Variants in INTS4 observed in about 807,000 individuals in gnomAD.
INTS4 encodes the protein MSTP093.
Under a neutral mutation model 119.5 loss-of-function variants are expected in INTS4, and 70 were observed. That is an observed-to-expected ratio of 0.59 (90% CI 0.48 to 0.71). The LOEUF (loss-of-function observed/expected upper bound fraction) is 0.71. Ranked by LOEUF, INTS4 falls within the 30% of genes least tolerant of loss-of-function variation. The pLI, the probability that INTS4 is intolerant of heterozygous loss-of-function variation, is 0.00. For synonymous variants in INTS4, 316 were observed against 419.6 expected (o/e 0.75, Z 3.02); for missense variants, 867 against 1,173.2 (o/e 0.74, Z 3.81).
At position 77,973,216 on chromosome 11, in the gene INTS4, G is replaced by A. The variant is rs569388130; in HGVS notation, c.471+5780C>T. 4.1e-4 allele frequency among the ~76,000 whole-genome samples: 62 copies of A among 152,288 alleles called. 1 individual carries two copies. Among genetic ancestry groups the A allele is most frequent in the Non-Finnish European group, 5.6e-4 (38 of 68,028 alleles). Reference sequence around the variant, plus strand: ...TTCATTTTCATATTGTTCACTGCAAGTGTATATAAATACAATTTATATTTT... The same window carrying A: ...TTCATTTTCATATTGTTCACTGCAAATGTATATAAATACAATTTATATTTT... On this transcript the variant is annotated intron_variant, in intron 4 of 22. Transcript: ENST00000534064.
intron 4 of INTS4, among the ~76,000 whole-genome samples, 189 bp from the exon 5 acceptor site, chr11:77,961,327 ATG>A (rs1238026923): frequency 6.6e-6 from 1 of 152,070 alleles, no homozygotes; most frequent in Non-Finnish European, 1.5e-5. Context: ...CTCAAAAAAA[ATG>A]AGTCCTTAGA....
chr11:77,886,663 A>G (rs1952022736), intron 21 of INTS4, among the ~76,000 whole-genome samples: 2 of 152,216 alleles, frequency 1.3e-5, no homozygotes, highest in Admixed American at 1.3e-4. Context: ...GCTTGGCGGA[A>G]TCAGCAGGGA....
rs1378024372 is a variant in INTS4 at position 77,928,399 on chromosome 11, G to C, written c.1314C>G (p.Ile438Met). Residue 438 changes from isoleucine (I) to methionine (M), a missense_variant, in exon 11 of 23, where the codon ATC becomes ATG. Coordinates refer to ENST00000534064, the MANE Select transcript of INTS4 (RefSeq NM_033547.4). The stretch of plus-strand genomic sequence containing the variant: ...CTTCTCGGAGGGTGATGTTGTTAGA[G>C]ATTTTTCTCATGGTATGTATAGACT... The part of the protein sequence containing the change: ...RLQSIHTMRK[I>M]SNNITLREDQ... 2 of 1,612,198 alleles carry C rather than the reference G, an allele frequency of 1.2e-6. No homozygotes were observed. Among genetic ancestry groups the C allele is most frequent in the Admixed American group, 1.7e-5 (1 of 59,946 alleles).
At chr11:77,960,892 C>T (rs1391441601) in intron 5 of INTS4, 61 bp downstream of exon 5, 6 of 1,438,976 alleles carry the variant, frequency 4.2e-6, no homozygotes, top group Non-Finnish European at 2.9e-6. Flanking sequence ...GCAGCACTAG[C>T]TATAAACTTA....
chr11:77,929,277 T>G (rs1953587996), intron 10 of INTS4, among the ~76,000 whole-genome samples: 1 of 152,058 alleles, frequency 6.6e-6, no homozygotes, highest in Non-Finnish European at 1.5e-5. Flanking sequence ...TATTCTCTAC[T>G]CCTCTCATTC....
intron 6 of INTS4, among the ~76,000 whole-genome samples, chr11:77,959,848 G>A (rs1330175587): frequency 1.3e-5 from 2 of 152,140 alleles, no homozygotes; most frequent in African/African-American, 4.8e-5. Context: ...AGCCTCATAA[G>A]GCCTTTTGGT....
In INTS4 at chr11:77,922,372, G is replaced by A. The variant is rs1229857735; in HGVS notation, c.1614C>T (p.Asp538=). The change falls in exon 13 of 23, where the codon GAC becomes GAT. Residue 538 remains aspartate, a synonymous_variant. Transcript: ENST00000534064. The part of the protein sequence containing the change: ...THPFFDTAEP[D]MDDPAYIAVL... ...AGAGGATACAAGCTGGATCATCCATGTCTGGTTCAGCTGTGTCAAAAAATG... is the reference window on the plus strand; with the variant it reads ...AGAGGATACAAGCTGGATCATCCATATCTGGTTCAGCTGTGTCAAAAAATG... 6.2e-6 allele frequency: 9 copies of A among 1,461,242 alleles called. No homozygotes were observed. The highest frequency in any genetic ancestry group is 7.2e-6 in the Non-Finnish European group (8 of 1,105,282). The allele number at this position is 1,461,242 out of a possible 1,614,324, so 90.5% of individuals were successfully genotyped here.
At chr11:77,960,432 G>C (rs766038512) in intron 5 of INTS4, 41 bp from the exon 6 acceptor site, 1 of 1,392,290 alleles carries the variant, frequency 7.2e-7, no homozygotes, top group Non-Finnish European at 1.0e-6. Flanking sequence ...GGGAGGAAAA[G>C]AGCAATATTT....
At chr11:77,941,292 T>C (rs1461376862) in intron 8 of INTS4, 41 bp from the exon 9 acceptor site, 1 of 1,582,652 alleles carries the variant, frequency 6.3e-7, no homozygotes, top group African/African-American at 1.4e-5. Context: ...ACAACTTTTA[T>C]GATTTGAACA....
intron 9 of INTS4, among the ~76,000 whole-genome samples, chr11:77,940,414 G>A (rs926195155): frequency 1.3e-5 from 2 of 152,100 alleles, no homozygotes; most frequent in Admixed American, 6.5e-5. Flanking sequence ...CTGGGCAATA[G>A]AGTGAGACCC....
intron 4 of INTS4, among the ~76,000 whole-genome samples, chr11:77,964,290 G>T (rs181190480): frequency 2.6e-5 from 4 of 152,144 alleles, no homozygotes; most frequent in African/African-American, 9.6e-5. Flanking sequence ...ATTATTGGCC[G>T]GGTGCAGTGG....
intron 4 of INTS4, chr11:77,963,347 C>T (rs1450814959): frequency 3.7e-5 from 11 of 295,922 alleles, no homozygotes; most frequent in Non-Finnish European, 5.9e-5. Context: ...AACGAGACTC[C>T]GTCTCAAAAA....
At chr11:77,912,741 T>C (rs576778844) in intron 15 of INTS4, among the ~76,000 whole-genome samples, 1 of 152,346 alleles carries the variant, frequency 6.6e-6, no homozygotes, top group African/African-American at 2.4e-5. Flanking sequence ...AACGCGATCT[T>C]TATTCCTGCA....
chr11:77,985,127 G>A (rs1165284489), intron 2 of INTS4, among the ~76,000 whole-genome samples: 3 of 152,144 alleles, frequency 2.0e-5, no homozygotes, highest in African/African-American at 4.8e-5. Flanking sequence ...CATTAAAACT[G>A]TCTTGGTTCA....
chr11:77,987,066 T>C (rs1856487235), intron 2 of INTS4: 7 of 152,210 alleles, frequency 4.6e-5, no homozygotes, highest in Admixed American at 4.6e-4. Context: ...GAATTTATTT[T>C]CATAAGAATC....
rs766715145 is a variant in INTS4, at chr11:77,918,969, T to C, written c.1774A>G (p.Arg592Gly). ...HLVPALRLPG[R>G]KLVSSAVSPS... ...GAAACAGCTGATGACACCAGTTTTC[T>C]ACCTGGTAACTAAGCAGAGTGGGAT... Residue 592 changes from arginine to glycine, a missense_variant, in exon 15 of 23, where the codon AGA (arginine) becomes GGA (glycine). By Grantham distance (125) the Arg-to-Gly change is moderately radical. Around this residue, in one of 5 missense-constraint regions of INTS4, gnomAD observed 262 missense variants for 376.0 expected, o/e 0.70. Transcript: ENST00000534064. 8 of 1,613,814 alleles carry C rather than the reference T, an allele frequency of 5.0e-6. No homozygotes were observed. Among genetic ancestry groups the C allele is most frequent in the Non-Finnish European group, 6.8e-6 (8 of 1,179,840 alleles).
At chr11:77,887,437 T>G (rs1952061752) in intron 21 of INTS4, among the ~76,000 whole-genome samples, 1 of 152,096 alleles carries the variant, frequency 6.6e-6, no homozygotes, top group Non-Finnish European at 1.5e-5. Flanking sequence ...TAATAAGAGC[T>G]ATCTATGACA....
At position 77,928,434 on chromosome 11, in the gene INTS4, C is replaced by T. The variant is rs146790163; in HGVS notation, c.1279G>A (p.Val427Ile). The part of the protein sequence containing the change: ...VDMFNDEIEE[V>I]RLQSIHTMRK... ...ATGGTATGTATAGACTGCAGACGTA[C>T]TTCCTCAATTTCATCGTTGAACATG... Residue 427 changes from valine (V) to isoleucine (I), a missense_variant, in exon 11 of 23, where the codon GTA (valine) becomes ATA (isoleucine). Physicochemically the swap from Val to Ile is conservative, Grantham distance 29. Coordinates refer to ENST00000534064, the MANE Select transcript of INTS4 (RefSeq NM_033547.4). The T allele has an allele frequency of 1.2e-6, 2 of 1,612,196 alleles. No homozygotes were observed. Among genetic ancestry groups the T allele is most frequent in the African/African-American group, 2.7e-5 (2 of 74,864 alleles).
chr11:77,994,270 C>G (rs1197272701), intron 1 of INTS4, among the ~76,000 whole-genome samples: 2 of 152,090 alleles, frequency 1.3e-5, no homozygotes, highest in East Asian at 1.9e-4. Flanking sequence ...ATGTCCACAT[C>G]TGGAAAACGA....
Sources: gnomAD v4.1 joint callset for allele counts (sites outside exome capture counted in the v4.1 genomes callset) on GRCh38, gnomAD v4.1.1 for gene constraint, gnomAD v4.1.1 regional missense constraint, MANE v1.5 for transcripts, NCBI Gene and HGNC (gene_info 2026-07-23, HGNC 2026-07-21) for gene names.